FYB1: variants seen among roughly 807,000 people sequenced by gnomAD.
FYB1 encodes the protein FYN-binding protein 1.
FYB1 carries 41 observed loss-of-function variants against 94.1 expected under a neutral mutation model. The observed-to-expected ratio is 0.44, with a 90% CI of 0.34 to 0.57. The LOEUF (loss-of-function observed/expected upper bound fraction) is 0.57. Ranked by LOEUF, FYB1 falls within the 20% of genes least tolerant of loss-of-function variation. The pLI is 0.02. For synonymous variants in FYB1, 367 were observed against 353.2 expected (o/e 1.04, Z -0.44); for missense variants, 1,050 against 976.8 (o/e 1.07, Z -1.00).
At chr5:39,255,523 C>T (rs1288711157) in intron 1 of FYB1, among the ~76,000 whole-genome samples, 1 of 151,670 alleles carries the variant, frequency 6.6e-6, no homozygotes, top group Admixed American at 6.6e-5. Flanking sequence ...TCCACACACG[C>T]ACACTCAAGA....
chr5:39,113,091 A>G (rs2150261416), intron 16 of FYB1, among the ~76,000 whole-genome samples: 2 of 152,082 alleles, frequency 1.3e-5, no homozygotes, highest in Middle Eastern at 6.8e-3. Flanking sequence ...CTAAAACTTC[A>G]CTCTATTAAA....
At chr5:39,111,872 C>A (rs1287068437) in intron 16 of FYB1, among the ~76,000 whole-genome samples, 1 of 151,870 alleles carries the variant, frequency 6.6e-6, no homozygotes, top group East Asian at 1.9e-4. Flanking sequence ...ACACGTTGCA[C>A]CTTCCTTTAT....
chr5:39,230,626 C>A (rs1370051398), intron 1 of FYB1, among the ~76,000 whole-genome samples: 5 of 152,074 alleles, frequency 3.3e-5, no homozygotes, highest in African/African-American at 1.2e-4. Flanking sequence ...AGCTTCTCTT[C>A]TGTCTTAAAC....
chr5:39,182,310 TGTGTGTGTGTGTGTGTGTG>T (rs1746328330), intron 2 of FYB1, among the ~76,000 whole-genome samples: 1 of 8,128 alleles, frequency 1.2e-4, no homozygotes, highest in Non-Finnish European at 1.7e-3. Flanking sequence ...TGTGTGTGTG[TGTGTGTGTGTGTGTGTGTG>T]TGTGTGTGTG....
In FYB1 at chr5:39,124,261, T is replaced by G; in HGVS notation, c.2063A>C (p.Lys688Thr). 1 of 1,559,414 alleles carries G rather than the reference T, an allele frequency of 6.4e-7. No individual in the cohort carries two copies. Among genetic ancestry groups the G allele is most frequent in the Non-Finnish European group, 8.7e-7 (1 of 1,155,062 alleles). Reference sequence around the variant, plus strand: ...CAGTTTTTATTACTTACCCAATTGTTTAGGAGGAGCAGGGAAACTACAAAG... The same window carrying G: ...CAGTTTTTATTACTTACCCAATTGTGTAGGAGGAGCAGGGAAACTACAAAG... ...NEGSSFPAPP[K>T]QLDMGDEVYD... is the part of the protein sequence containing the mutation. Residue 688 changes from lysine (K) to threonine (T), a missense_variant, in exon 13 of 19, where the codon AAA (lysine) becomes ACA (threonine). Lys to Thr is a moderately conservative substitution (Grantham distance 78). Coordinates refer to ENST00000512982, the MANE Select transcript of FYB1 (RefSeq NM_001465.6).
chr5:39,146,005 C>T (rs1247574106), intron 3 of FYB1, among the ~76,000 whole-genome samples: 4 of 151,818 alleles, frequency 2.6e-5, no homozygotes, highest in Admixed American at 6.6e-5. Flanking sequence ...TTCTGTCTCC[C>T]GGGTTCAAGG....
intron 1 of FYB1, among the ~76,000 whole-genome samples, chr5:39,237,388 A>G (rs187877): frequency 0.62 from 94,708 of 151,926 alleles, 33,723 homozygotes; most frequent in Non-Finnish European, 0.8. Flanking sequence ...TGGGCTTCGC[A>G]GTCTGTGGGT....
At chr5:39,215,781 T>C (rs1254715967) in intron 1 of FYB1, among the ~76,000 whole-genome samples, 1 of 152,234 alleles carries the variant, frequency 6.6e-6, no homozygotes, top group East Asian at 1.9e-4. Flanking sequence ...TGCTTGTCTA[T>C]AAATTATGCC....
chr5:39,151,559 G>A (rs1407006764), intron 3 of FYB1, among the ~76,000 whole-genome samples: 2 of 152,110 alleles, frequency 1.3e-5, no homozygotes, highest in Admixed American at 6.5e-5. Context: ...CGAAGTGTTG[G>A]GATTACAGGT....
chr5:39,229,011 C>A (rs917423395), intron 1 of FYB1, among the ~76,000 whole-genome samples: 2 of 152,236 alleles, frequency 1.3e-5, no homozygotes, highest in South Asian at 2.1e-4. Flanking sequence ...AAGGCTTTGT[C>A]TTACAGTGGC....
chr5:39,168,155 T>C (rs1023873193), intron 2 of FYB1, among the ~76,000 whole-genome samples: 2 of 152,244 alleles, frequency 1.3e-5, no homozygotes, highest in South Asian at 2.1e-4. Context: ...GCCTATTTTT[T>C]TCAAAAACTT....
At chr5:39,242,984 G>T (rs1242602728) in intron 1 of FYB1, among the ~76,000 whole-genome samples, 3 of 151,956 alleles carry the variant, frequency 2.0e-5, no homozygotes, top group South Asian at 4.2e-4. Context: ...TTTTGATGGG[G>T]TTGTTTGTTT....
intron 1 of FYB1, among the ~76,000 whole-genome samples, chr5:39,256,068 T>G (rs1286202554): frequency 6.6e-6 from 1 of 152,194 alleles, no homozygotes; most frequent in Admixed American, 6.5e-5. Flanking sequence ...ATTACAAGTA[T>G]TTATGGGGGC....
intron 1 of FYB1, among the ~76,000 whole-genome samples, chr5:39,239,210 A>C (rs1282599359): frequency 1.3e-5 from 2 of 152,110 alleles, no homozygotes; most frequent in Admixed American, 6.6e-5. Flanking sequence ...ACATCATACT[A>C]AATGGGCAAA....
At position 39,194,554 on chromosome 5, in the gene FYB1, GGAAGGAAGGAAA is replaced by G. The variant is rs569477321; in HGVS notation, c.1135+7260_1135+7271del. 1.1e-3 allele frequency among the ~76,000 whole-genome samples: 168 copies of G among 151,394 alleles called. 8 individuals are homozygous for G. The highest frequency in any genetic ancestry group is 1.0e-3 in the South Asian group (5 of 4,782). On this transcript the variant is annotated intron_variant, in intron 2 of 18. Transcript: ENST00000512982. ...TAAAAAAGAAAGACAGAAAAAGGAA[GGAAGGAAGGAAA>G]GAAGGAAGGAAGGAAGGGAGGATAT...
chr5:39,194,877 G>T (rs1747689987), intron 2 of FYB1, among the ~76,000 whole-genome samples: 1 of 152,254 alleles, frequency 6.6e-6, no homozygotes, highest in South Asian at 2.1e-4. Flanking sequence ...AGGTCTTCTG[G>T]ACAACTGCTT....
At chr5:39,130,642 A>G in intron 9 of FYB1, 30 bp from the exon 10 acceptor site, 1 of 1,532,064 alleles carries the variant, frequency 6.5e-7, no homozygotes, top group Non-Finnish European at 8.9e-7. Flanking sequence ...ATATTAAGTT[A>G]ATCTATGAAT....
At chr5:39,169,911 C>A in intron 2 of FYB1, 2 of 616,730 alleles carry the variant, frequency 3.2e-6, no homozygotes. Context: ...TTTTGATTTC[C>A]ACCCTCCCAG....
At chr5:39,120,452 G>A (rs559761373) in intron 14 of FYB1, among the ~76,000 whole-genome samples, 38 of 152,180 alleles carry the variant, frequency 2.5e-4, no homozygotes, top group African/African-American at 7.5e-4. Context: ...TAGCCTGTCC[G>A]CACACAGGAT....
Sources: gnomAD v4.1 joint callset for allele counts (sites outside exome capture counted in the v4.1 genomes callset) on GRCh38, gnomAD v4.1.1 for gene constraint, MANE v1.5 for transcripts, NCBI Gene and HGNC (gene_info 2026-07-23, HGNC 2026-07-21) for gene names.